Variants in FAT3 observed in about 807,000 individuals in gnomAD.
FAT3 encodes FAT atypical cadherin 3.
In FAT3, 95 loss-of-function variants were observed where a neutral mutation model predicts 310.2. That is an observed-to-expected ratio of 0.31 (90% CI 0.26 to 0.36). FAT3 has a LOEUF of 0.36. Ranked by LOEUF, FAT3 falls within the 10% of genes least tolerant of loss-of-function variation. The pLI, the probability that FAT3 is intolerant of heterozygous loss-of-function variation, is 1.00. For missense variants in FAT3, 5,408 were observed against 5,715.6 expected, an observed-to-expected ratio of 0.95 and a Z score of 1.74; for synonymous variants, 2,314 against 2,192.9, an observed-to-expected ratio of 1.06 and a Z score of -1.54.
intron 4 of FAT3, among the ~76,000 whole-genome samples, chr11:92,742,871 A>T (rs767815619): frequency 7.9e-5 from 12 of 152,222 alleles, no homozygotes; most frequent in Non-Finnish European, 1.8e-4. Context: ...GAGGCACTGT[A>T]AATTTATGTT....
chr11:92,432,987 G>A (rs185064980), intron 2 of FAT3, among the ~76,000 whole-genome samples: 109 of 152,286 alleles, frequency 7.2e-4, no homozygotes, highest in African/African-American at 2.5e-3. Flanking sequence ...GCGGCACTAC[G>A]TTGGGCTCTG....
chr11:92,662,451 A>G (rs991171170), intron 3 of FAT3, among the ~76,000 whole-genome samples: 2 of 152,214 alleles, frequency 1.3e-5, no homozygotes, highest in Non-Finnish European at 2.9e-5. Flanking sequence ...AGGTTGAGCC[A>G]TGTTGTTTTC....
At chr11:92,692,770 C>T (rs1449707476) in intron 3 of FAT3, among the ~76,000 whole-genome samples, 3 of 152,328 alleles carry the variant, frequency 2.0e-5, no homozygotes, top group East Asian at 1.9e-4. Context: ...AATTAATTGT[C>T]GCTCACAAAG....
At chr11:92,573,442 C>T (rs1938292536) in intron 3 of FAT3, among the ~76,000 whole-genome samples, 1 of 152,094 alleles carries the variant, frequency 6.6e-6, no homozygotes, top group Non-Finnish European at 1.5e-5. Flanking sequence ...CCGGTTGTAG[C>T]GGGCTGAATA....
At chr11:92,628,203 CT>C (rs1941407489) in intron 3 of FAT3, among the ~76,000 whole-genome samples, 1 of 152,190 alleles carries the variant, frequency 6.6e-6, no homozygotes, top group African/African-American at 2.4e-5. Context: ...CAAATAGTTC[CT>C]GAAATCATTG....
In FAT3 at chr11:92,583,712, T is replaced by A. The variant is rs141015956; in HGVS notation, c.3607+58764T>A. ...TCAACCGCAGGACACACCCCCATTGTCACTATAGTTGATGTTGGTGGAGCT... is the reference window on the plus strand; with the variant it reads ...TCAACCGCAGGACACACCCCCATTGACACTATAGTTGATGTTGGTGGAGCT... On this transcript the variant is annotated intron_variant, in intron 3 of 27. Coordinates refer to ENST00000525166, the MANE Select transcript of FAT3 (RefSeq NM_001367949.2). Among the ~76,000 whole-genome samples the A allele has an allele frequency of 3.4e-4, 51 of 152,120 alleles. No homozygotes were observed. In the East Asian group the frequency reaches 8.4e-3, roughly 25 times the overall value.
chr11:92,263,237 T>C (rs1048337651), intron 1 of FAT3, among the ~76,000 whole-genome samples: 3 of 151,976 alleles, frequency 2.0e-5, no homozygotes, highest in African/African-American at 7.2e-5. Context: ...ATTTTTTTTT[T>C]CTCGATTCAC....
At chr11:92,620,094 C>G (rs559929500) in intron 3 of FAT3, among the ~76,000 whole-genome samples, 1 of 152,056 alleles carries the variant, frequency 6.6e-6, no homozygotes, top group East Asian at 1.9e-4. Context: ...CTTAGTATTT[C>G]TACCTACATT....
chr11:92,368,859 CATATAT>C (rs201552753), intron 2 of FAT3, among the ~76,000 whole-genome samples: 2 of 119,368 alleles, frequency 1.7e-5, no homozygotes, highest in South Asian at 2.4e-4. Context: ...CACACATACA[CATATAT>C]ATATACACAC....
chr11:92,404,906 G>A (rs10830911), intron 2 of FAT3, among the ~76,000 whole-genome samples: 11,672 of 151,846 alleles, frequency 0.077, 663 homozygotes, highest in African/African-American at 0.15. Context: ...CCGGTTCTTG[G>A]GCCTTCAGAC....
rs570858981 is a variant in FAT3 at position 92,418,607 on chromosome 11, C to T, written c.3292+63203C>T. On this transcript the variant is annotated intron_variant, in intron 2 of 27. Transcript: ENST00000525166. ...AGGATGCTACTTACAGTGAGTCTGC[C>T]TCACTGTACTTGCCTCCCCAGGACC... 2.6e-5 allele frequency among the ~76,000 whole-genome samples: 4 copies of T among 152,082 alleles called. No homozygotes were observed. The South Asian group carries it at 6.2e-4, about 24-fold the overall frequency.
At position 92,557,104 on chromosome 11, in the gene FAT3, G is replaced by GTTTCTACTTGAAACT. The variant is rs1253577574; in HGVS notation, c.3607+32166_3607+32180dup. Among the ~76,000 whole-genome samples the GTTTCTACTTGAAACT allele has an allele frequency of 1.7e-4, 26 of 151,944 alleles. No homozygotes were observed. The East Asian group carries it at 4.9e-3, about 28-fold the overall frequency. ...TTCGCTATCTATTGCATTCTTCCCT[G>GTTTCTACTTGAAACT]TTTCTACTTGAAACTTTTCTACTTT... On this transcript the variant is annotated intron_variant, in intron 3 of 27. Coordinates refer to ENST00000525166, the MANE Select transcript of FAT3 (RefSeq NM_001367949.2).
At chr11:92,666,864 C>A (rs1942971054) in intron 3 of FAT3, among the ~76,000 whole-genome samples, 2 of 152,080 alleles carry the variant, frequency 1.3e-5, no homozygotes, top group South Asian at 4.1e-4. Context: ...CCTGGACCAG[C>A]CTGAGCACAC....
At chr11:92,724,861 A>G (rs894727919) in intron 4 of FAT3, among the ~76,000 whole-genome samples, 1 of 152,218 alleles carries the variant, frequency 6.6e-6, no homozygotes, top group Admixed American at 6.5e-5. Context: ...AGGAGACCAC[A>G]AGATGGGAAT....
chr11:92,432,949 A>G (rs538402979), intron 2 of FAT3, among the ~76,000 whole-genome samples: 3 of 152,300 alleles, frequency 2.0e-5, no homozygotes, highest in South Asian at 2.1e-4. Context: ...GGAGGAATCT[A>G]GAGAGGCAGT....
intron 4 of FAT3, among the ~76,000 whole-genome samples, chr11:92,731,999 A>G (rs543896810): frequency 6.6e-5 from 10 of 152,274 alleles, no homozygotes; most frequent in African/African-American, 1.4e-4. Flanking sequence ...CCAATTGCCT[A>G]TAGTCTCCTG....
rs550031409 is a variant in FAT3 at position 92,867,223 on chromosome 11, C to A, written c.12127+14C>A. On this transcript the variant is annotated intron_variant, in intron 22 of 27. Transcript: ENST00000525166. The stretch of plus-strand genomic sequence containing the variant: ...TGCCATCGGGGGGTGAGTGTGGCTA[C>A]GCAGTGGGCACTGGCCTGGGGGTTT... The A allele has an allele frequency of 5.9e-5, 91 of 1,547,046 alleles. No individual in the cohort carries two copies. The highest frequency in any genetic ancestry group is 4.2e-4 in the Admixed American group (22 of 52,954).
rs763530674 is a variant in FAT3, at chr11:92,882,734, G to A, written c.12282-4G>A. The A allele has an allele frequency of 7.5e-6, 12 of 1,589,486 alleles. No individual in the cohort carries two copies. The African/African-American group carries it at 1.5e-4, about 20-fold the overall frequency. The stretch of plus-strand genomic sequence containing the variant: ...GGTGGGGAGGGGCTTCTGTGTCGCC[G>A]CAGGTGTGAGGAGGACATCAATGAG... On this transcript the variant is annotated splice_region_variant and splice_polypyrimidine_tract_variant and intron_variant, in intron 23 of 27. Coordinates refer to ENST00000525166, the MANE Select transcript of FAT3 (RefSeq NM_001367949.2).
intron 3 of FAT3, among the ~76,000 whole-genome samples, chr11:92,597,791 A>G (rs779351742): frequency 1.2e-4 from 18 of 152,208 alleles, no homozygotes; most frequent in Non-Finnish European, 2.5e-4. Flanking sequence ...GCCTTTGGGA[A>G]AATTTTGAAA....
Sources: gnomAD v4.1 joint callset for allele counts (sites outside exome capture counted in the v4.1 genomes callset) on GRCh38, gnomAD v4.1.1 for gene constraint, MANE v1.5 for transcripts, NCBI Gene and HGNC (gene_info 2026-07-23, HGNC 2026-07-21) for gene names.